The following GRID2 variants were observed in gnomAD, a reference collection of about 807,000 sequenced individuals.
The protein encoded by GRID2 is glutamate ionotropic receptor delta type subunit 2.
Under a neutral mutation model 114.8 loss-of-function variants are expected in GRID2, and 33 were observed. That is an observed-to-expected ratio of 0.29 (90% CI 0.22 to 0.38). The LOEUF (loss-of-function observed/expected upper bound fraction) is 0.38, where lower values mean the gene tolerates loss of function less well. GRID2 is among the 10% of genes least tolerant of loss of function. The pLI is 1.00. For synonymous variants in GRID2, 505 were observed against 449.9 expected, an observed-to-expected ratio of 1.12 and a Z score of -1.55; for missense variants, 1,184 against 1,257.7, an observed-to-expected ratio of 0.94 and a Z score of 0.89.
At chr4:93,021,458 A>G (rs1042866933) in intron 2 of GRID2, among the ~76,000 whole-genome samples, 7 of 149,272 alleles carry the variant, frequency 4.7e-5, no homozygotes, top group Admixed American at 1.3e-4. Flanking sequence ...AAAAATTATT[A>G]AAGGACTCAG....
chr4:92,858,262 C>T (rs1448000793), intron 2 of GRID2, among the ~76,000 whole-genome samples: 2 of 152,062 alleles, frequency 1.3e-5, no homozygotes, highest in Non-Finnish European at 2.9e-5. Context: ...GCTAAAGTTG[C>T]CATAGACAGT....
intron 8 of GRID2, among the ~76,000 whole-genome samples, chr4:93,341,009 T>A (rs192719583): frequency 6.6e-6 from 1 of 152,308 alleles, no homozygotes; most frequent in Admixed American, 6.5e-5. Context: ...CTGTTTTGTA[T>A]TCTTGCAACA....
intron 8 of GRID2, among the ~76,000 whole-genome samples, chr4:93,278,318 T>G (rs1478077090): frequency 6.6e-6 from 1 of 151,330 alleles, no homozygotes; most frequent in Non-Finnish European, 1.5e-5. Flanking sequence ...AATAGAAATG[T>G]CTGGTAGGTA....
intron 13 of GRID2, among the ~76,000 whole-genome samples, chr4:93,621,531 G>A (rs996153322): frequency 3.3e-5 from 5 of 152,156 alleles, no homozygotes; most frequent in African/African-American, 1.2e-4. Flanking sequence ...TCTAAACATG[G>A]CCTCAAGAAC....
At chr4:92,757,956 G>T (rs553203248) in intron 2 of GRID2, among the ~76,000 whole-genome samples, 2 of 152,010 alleles carry the variant, frequency 1.3e-5, no homozygotes, top group Non-Finnish European at 2.9e-5. Flanking sequence ...AAAAGGAGGA[G>T]ATCAAAAAGA....
chr4:92,528,282 A>ATC (rs1725141789), intron 1 of GRID2, among the ~76,000 whole-genome samples: 1 of 147,210 alleles, frequency 6.8e-6, no homozygotes, highest in South Asian at 2.1e-4. Context: ...ATGAATATAT[A>ATC]TATATATATA....
intron 2 of GRID2, among the ~76,000 whole-genome samples, chr4:92,995,681 G>A (rs1755155677): frequency 6.6e-6 from 1 of 151,888 alleles, no homozygotes. Flanking sequence ...AACTATATAT[G>A]GCATTACTTT....
intron 1 of GRID2, among the ~76,000 whole-genome samples, chr4:93,804,388 A>G (rs940715717): frequency 6.6e-6 from 1 of 152,196 alleles, no homozygotes; most frequent in Non-Finnish European, 1.5e-5. Context: ...CCTAGGTTAT[A>G]TAATATAACC....
At chr4:92,319,406 A>G (rs1322126170) in intron 1 of GRID2, among the ~76,000 whole-genome samples, 1 of 152,200 alleles carries the variant, frequency 6.6e-6, no homozygotes. Context: ...GGAATAGTTC[A>G]TTTTAATCTG....
intron 8 of GRID2, among the ~76,000 whole-genome samples, chr4:93,372,984 C>T (rs1763070078): frequency 6.6e-6 from 1 of 152,018 alleles, no homozygotes; most frequent in African/African-American, 2.4e-5. Flanking sequence ...AACAGTGAAC[C>T]ATCATGTTCC....
At chr4:92,574,294 T>C (rs1172335064) in intron 1 of GRID2, among the ~76,000 whole-genome samples, 2 of 152,168 alleles carry the variant, frequency 1.3e-5, no homozygotes, top group African/African-American at 4.8e-5. Context: ...CCCATTTATA[T>C]TTAAGATTAG....
intron 1 of GRID2, among the ~76,000 whole-genome samples, chr4:92,473,146 G>C (rs1207013748): frequency 1.3e-5 from 2 of 151,970 alleles, no homozygotes; most frequent in Non-Finnish European, 2.9e-5. Context: ...TGTTGAAAAG[G>C]CTATGCTTTC....
At chr4:92,598,706 A>G (rs1200290763) in intron 2 of GRID2, among the ~76,000 whole-genome samples, 1 of 152,140 alleles carries the variant, frequency 6.6e-6, no homozygotes, top group Non-Finnish European at 1.5e-5. Flanking sequence ...TAGCATTAAT[A>G]TGATTATGTG....
intron 2 of GRID2, among the ~76,000 whole-genome samples, chr4:92,789,687 T>C (rs1267001866): frequency 6.6e-6 from 1 of 151,980 alleles, no homozygotes; most frequent in Non-Finnish European, 1.5e-5. Flanking sequence ...AAAATTTCAA[T>C]CTATTTAAAC....
chr4:92,563,556 AAT>A (rs1385540646), intron 1 of GRID2, among the ~76,000 whole-genome samples: 1 of 152,062 alleles, frequency 6.6e-6, no homozygotes, highest in African/African-American at 2.4e-5. Context: ...ACTCCTCCTG[AAT>A]ACAATTCTTC....
At chr4:93,226,731 A>G (rs987391335) in intron 7 of GRID2, among the ~76,000 whole-genome samples, 1 of 152,066 alleles carries the variant, frequency 6.6e-6, no homozygotes, top group Non-Finnish European at 1.5e-5. Flanking sequence ...TTTTTACTCA[A>G]CATTGTCTTA....
intron 13 of GRID2, among the ~76,000 whole-genome samples, chr4:93,520,532 AAGCT>A (rs768272174): frequency 6.6e-6 from 1 of 152,140 alleles, no homozygotes; most frequent in Non-Finnish European, 1.5e-5. Context: ...CCTGAGGCAG[AAGCT>A]AGCTTGGCAT....
At chr4:93,222,473 A>T (rs561814553) in intron 6 of GRID2, among the ~76,000 whole-genome samples, 264 of 150,760 alleles carry the variant, frequency 1.8e-3, no homozygotes, top group African/African-American at 4.6e-3. Context: ...ATATATATAT[A>T]TTTTTATTAT....
In GRID2 at chr4:93,413,980, C is replaced by A. The variant is rs1002179425; in HGVS notation, c.1348-8791C>A. ...TTCATCTAATAGAATTATTATGACA[C>A]ATACTCCAACTAAAAATCAGTCAAG... On this transcript the variant is annotated intron_variant, in intron 9 of 15. Coordinates refer to ENST00000282020, the MANE Select transcript of GRID2 (RefSeq NM_001510.4). Among the ~76,000 whole-genome samples, 3 of 152,210 alleles carry A rather than the reference C, an allele frequency of 2.0e-5. No homozygotes were observed. The East Asian group carries it at 5.8e-4, about 29-fold the overall frequency.
Sources: gnomAD v4.1 joint callset for allele counts (sites outside exome capture counted in the v4.1 genomes callset) on GRCh38, gnomAD v4.1.1 for gene constraint, MANE v1.5 for transcripts, NCBI Gene and HGNC (gene_info 2026-07-23, HGNC 2026-07-21) for gene names.